The following ATP8A2 variants were observed in gnomAD, a reference collection of about 807,000 sequenced individuals.
The protein encoded by ATP8A2 is phospholipid-transporting ATPase IB.
In ATP8A2, 100 loss-of-function variants were observed where a neutral mutation model predicts 165.6. That is an observed-to-expected ratio of 0.60 (90% CI 0.51 to 0.71). The LOEUF is 0.71. Ranked by LOEUF, ATP8A2 falls within the 30% of genes least tolerant of loss-of-function variation. The pLI, the probability that ATP8A2 is intolerant of heterozygous loss-of-function variation, is 0.00. For missense variants in ATP8A2, 1,227 were observed against 1,479.5 expected (o/e 0.83, Z 2.80); for synonymous variants, 543 against 548.8 (o/e 0.99, Z 0.15).
intron 24 of ATP8A2, among the ~76,000 whole-genome samples, chr13:25,693,479 A>G (rs1398945072): frequency 6.6e-6 from 1 of 152,124 alleles, no homozygotes; most frequent in Admixed American, 6.5e-5. Flanking sequence ...TCTTAGTGGT[A>G]GGAAGAGGAT....
At chr13:25,707,508 G>A (rs2137959936) in intron 25 of ATP8A2, among the ~76,000 whole-genome samples, 1 of 152,222 alleles carries the variant, frequency 6.6e-6, no homozygotes, top group South Asian at 2.1e-4. Context: ...AATTTGGTGG[G>A]GAGCAATATA....
At chr13:25,755,146 G>C (rs557125226) in intron 25 of ATP8A2, among the ~76,000 whole-genome samples, 1 of 152,270 alleles carries the variant, frequency 6.6e-6, no homozygotes, top group African/African-American at 2.4e-5. Flanking sequence ...ATTTATTCTT[G>C]TGAACAGCTG....
intron 1 of ATP8A2, among the ~76,000 whole-genome samples, chr13:25,374,531 G>A (rs2032547131): frequency 6.6e-6 from 1 of 152,174 alleles, no homozygotes. Context: ...GAACATCAAC[G>A]CAGGAAGCTT....
chr13:25,969,627 C>T (rs1955869587), intron 35 of ATP8A2, among the ~76,000 whole-genome samples: 1 of 152,160 alleles, frequency 6.6e-6, no homozygotes, highest in Non-Finnish European at 1.5e-5. Context: ...AGAATGCAAA[C>T]ATTTTGAGAG....
intron 1 of ATP8A2, among the ~76,000 whole-genome samples, chr13:25,441,394 C>T (rs1184574862): frequency 6.6e-6 from 1 of 152,158 alleles, no homozygotes; most frequent in East Asian, 1.9e-4. Context: ...ACCATTGGAA[C>T]AACAATGTCA....
intron 25 of ATP8A2, among the ~76,000 whole-genome samples, chr13:25,729,408 T>A (rs937036864): frequency 1.3e-5 from 2 of 152,210 alleles, no homozygotes; most frequent in Non-Finnish European, 2.9e-5. Flanking sequence ...TGGCACATAT[T>A]TTCGTATGTT....
chr13:25,708,208 A>G (rs1054421860), intron 25 of ATP8A2, among the ~76,000 whole-genome samples: 2 of 152,268 alleles, frequency 1.3e-5, no homozygotes, highest in African/African-American at 4.8e-5. Context: ...AAAACAAACC[A>G]GAAAAGAAAA....
chr13:25,580,494 G>A (rs2039743820), intron 22 of ATP8A2, among the ~76,000 whole-genome samples: 1 of 152,044 alleles, frequency 6.6e-6, no homozygotes, highest in Non-Finnish European at 1.5e-5. Flanking sequence ...CATGTTGGCA[G>A]CCATAGGGCC....
intron 24 of ATP8A2, among the ~76,000 whole-genome samples, chr13:25,697,679 G>A (rs549802503): frequency 2.0e-5 from 3 of 152,134 alleles, no homozygotes; most frequent in Non-Finnish European, 2.9e-5. Context: ...AATAATTTAC[G>A]TTGATTAGTT....
intron 24 of ATP8A2, among the ~76,000 whole-genome samples, chr13:25,640,376 AAG>A (rs375962312): frequency 0.034 from 5,229 of 152,226 alleles, 153 homozygotes; most frequent in East Asian, 0.13. Flanking sequence ...TAAAGAAGAA[AAG>A]AGAGAAGAAT....
chr13:25,493,618 T>C (rs2036589671), intron 2 of ATP8A2, among the ~76,000 whole-genome samples: 1 of 152,170 alleles, frequency 6.6e-6, no homozygotes, highest in African/African-American at 2.4e-5. Flanking sequence ...GGTAGGTGTA[T>C]CCAGAGAAGT....
intron 2 of ATP8A2, among the ~76,000 whole-genome samples, chr13:25,528,088 T>G (rs34313175): frequency 0.24 from 36,435 of 151,940 alleles, 4,794 homozygotes; most frequent in African/African-American, 0.35. Context: ...TTGTGAGCTA[T>G]CACATACATG....
At chr13:25,883,068 A>G (rs1159862347) in intron 33 of ATP8A2, among the ~76,000 whole-genome samples, 1 of 152,124 alleles carries the variant, frequency 6.6e-6, no homozygotes, top group Non-Finnish European at 1.5e-5. Context: ...ACCAAGTCCT[A>G]GTGAAGTTAA....
Position 25,571,596 on chromosome 13 carries a change from C to T in ATP8A2, c.1580-14C>T. ...CAGTGATATGTCAATGTTTCACCAA[C>T]TCCCACTTGACAGATGAAGCTGCTT... On this transcript the variant is annotated splice_polypyrimidine_tract_variant and intron_variant, in intron 17 of 36. Coordinates refer to ENST00000381655, the MANE Select transcript of ATP8A2 (RefSeq NM_016529.6). 6.2e-7 allele frequency: 1 copy of T among 1,605,552 alleles called. No homozygotes were observed. The highest frequency in any genetic ancestry group is 8.5e-7 in the Non-Finnish European group (1 of 1,173,628).
At chr13:25,435,998 T>A (rs1294676175) in intron 1 of ATP8A2, among the ~76,000 whole-genome samples, 1 of 152,020 alleles carries the variant, frequency 6.6e-6, no homozygotes, top group African/African-American at 2.4e-5. Context: ...TGTGTATGTG[T>A]GTGTGTCTTT....
chr13:25,927,431 C>A, intron 33 of ATP8A2: 1 of 349,928 alleles, frequency 2.9e-6, no homozygotes, highest in South Asian at 2.2e-5. Flanking sequence ...GAATTCTGAG[C>A]TTTTCTGGGT....
intron 24 of ATP8A2, among the ~76,000 whole-genome samples, chr13:25,649,603 A>G (rs2137620368): frequency 6.6e-6 from 1 of 152,216 alleles, no homozygotes; most frequent in Admixed American, 6.5e-5. Context: ...AGTTTGCTGC[A>G]TTGGTTGTCT....
chr13:25,559,399 GCA>G (rs1223489939), intron 14 of ATP8A2, among the ~76,000 whole-genome samples: 1 of 152,162 alleles, frequency 6.6e-6, no homozygotes, highest in Non-Finnish European at 1.5e-5. Flanking sequence ...GGGCATTGTG[GCA>G]TGTGCCTGTA....
Position 25,897,143 on chromosome 13 carries a change from G to A in ATP8A2, c.3183+34735G>A, listed in dbSNP as rs868422750. On this transcript the variant is annotated intron_variant, in intron 33 of 36. Transcript: ENST00000381655. The stretch of plus-strand genomic sequence containing the variant: ...CTTCCTAGCCTTGATGGTCTTTACA[G>A]TTTGGCATGTTTTTGCAGTGGCTGG... 9.3e-3 allele frequency among the ~76,000 whole-genome samples: 1,415 copies of A among 152,252 alleles called. 19 individuals are homozygous for A. Among genetic ancestry groups the A allele is most frequent in the African/African-American group, 0.031 (1,279 of 41,536 alleles).
Sources: allele counts gnomAD v4.1 joint callset (sites outside exome capture counted in the v4.1 genomes callset), GRCh38; gene constraint gnomAD v4.1.1; transcripts MANE v1.5; gene names NCBI Gene and HGNC (gene_info 2026-07-23, HGNC 2026-07-21).